TSKS: variants seen among roughly 807,000 people sequenced by gnomAD.
The protein encoded by TSKS is testis specific serine kinase substrate.
A neutral mutation model predicts 68.0 loss-of-function variants in TSKS; 27 were observed. The ratio of observed to expected loss-of-function variants is 0.40; its 90% CI spans 0.29 to 0.55. The LOEUF (loss-of-function observed/expected upper bound fraction) is 0.55. Ranked by LOEUF, TSKS falls within the 20% of genes least tolerant of loss-of-function variation. The probability of loss-of-function intolerance (pLI) is 0.53; values close to 1 mark genes in which losing one functional copy is unlikely to be tolerated. For missense variants in TSKS, 806 were observed against 776.0 expected, an observed-to-expected ratio of 1.04 and a Z score of -0.46; for synonymous variants, 331 against 340.4, an observed-to-expected ratio of 0.97 and a Z score of 0.30.
intron 7 of TSKS, among the ~76,000 whole-genome samples, chr19:49,744,686 G>A (rs1600188426): frequency 6.6e-6 from 1 of 151,988 alleles, no homozygotes; most frequent in South Asian, 2.1e-4. Context: ...GGGCTCAAGC[G>A]ATCACTCCTG....
At chr19:49,740,415 C>T (rs1015954738) in intron 9 of TSKS, 2 of 547,112 alleles carry the variant, frequency 3.7e-6, no homozygotes, top group Non-Finnish European at 6.5e-6. Context: ...CCATGATGCA[C>T]TGACCTATGT....
chr19:49,759,362 G>A (rs1287834330), intron 2 of TSKS, among the ~76,000 whole-genome samples: 1 of 151,528 alleles, frequency 6.6e-6, no homozygotes, highest in Non-Finnish European at 1.5e-5. Flanking sequence ...CCAGCTACTC[G>A]GGAGGCTGAG....
At position 49,740,076 on chromosome 19, in the gene TSKS, T is replaced by A. The variant is rs1409149422; in HGVS notation, c.1605A>T (p.Thr535=). Residue 535 remains threonine, a synonymous_variant, in exon 10 of 11, where the codon ACA becomes ACT. Transcript: ENST00000246801. ...TTCCTCACTCTGGCTTCATCTTGTC[T>A]GTCAGCAGTAGGTTCTTGGCCCGCA... is the stretch of plus-strand genomic sequence containing the variant. ...EALRAKNLLL[T]DKMKPEEKMA... is the part of the protein sequence containing the mutation. 6.2e-7 allele frequency: 1 copy of A among 1,614,188 alleles called. No individual in the cohort carries two copies. The highest frequency in any genetic ancestry group is 1.7e-5 in the Admixed American group (1 of 60,008).
rs1474864954 is a variant in TSKS, at chr19:49,748,458, G to C, written c.411C>G (p.Asn137Lys). The stretch of plus-strand genomic sequence containing the variant: ...AGTCTTTGGCGCGGACCAATCCACT[G>C]TTGACCCCACTCTGGGGAAGAATGG... Reference protein sequence around the residue: ...ADITEILSGVNSGLVRAKDSI... With the variant: ...ADITEILSGVKSGLVRAKDSI... Residue 137 changes from asparagine (N) to lysine (K), a missense_variant, in exon 3 of 11, where the codon AAC (asparagine) becomes AAG (lysine). Transcript: ENST00000246801. The C allele has an allele frequency of 6.2e-7, 1 of 1,614,160 alleles. No homozygotes were observed. The highest frequency in any genetic ancestry group is 1.7e-5 in the Admixed American group (1 of 60,010).
chr19:49,760,970 C>G (rs577049010), intron 2 of TSKS, among the ~76,000 whole-genome samples: 2 of 152,118 alleles, frequency 1.3e-5, no homozygotes, highest in South Asian at 4.2e-4. Context: ...TGCCTGTAGT[C>G]CCAGCTACTC....
intron 6 of TSKS, 84 bp from the exon 7 acceptor site, chr19:49,745,480 T>C: frequency 1.6e-5 from 19 of 1,173,242 alleles, no homozygotes; most frequent in East Asian, 2.7e-5. Context: ...GGGACAGGAC[T>C]CACCTATCTC....
At position 49,747,556 on chromosome 19, in the gene TSKS, C is replaced by A. The variant is rs61318874; in HGVS notation, c.580-84G>T. ...CTTAGCCTGTCTGTTTCCATCCAGG[C>A]TCCAGGCCTCCTAGCCCCCCAGTAC... On this transcript the variant is annotated intron_variant, in intron 4 of 10. Transcript: ENST00000246801. 2,016 of 1,361,556 alleles carry A rather than the reference C, an allele frequency of 1.5e-3. 25 individuals are homozygous for A. In the African/African-American group the frequency reaches 0.025, roughly 17 times the overall value. 84.3% of individuals were successfully genotyped at this position (1,361,556 alleles called of 1,614,324 possible).
At chr19:49,745,439 A>G (rs780376271) in intron 6 of TSKS, 43 bp from the exon 7 acceptor site, 1 of 1,433,460 alleles carries the variant, frequency 7.0e-7, no homozygotes, top group South Asian at 1.4e-5. Context: ...CTAGGCTTCA[A>G]CAGGTCCCCA....
chr19:49,760,620 C>T (rs907143188), intron 2 of TSKS, among the ~76,000 whole-genome samples: 6 of 151,390 alleles, frequency 4.0e-5, no homozygotes, highest in Admixed American at 1.3e-4. Context: ...TAGGTCACTG[C>T]GCCTGGCCTA....
In TSKS at chr19:49,763,129, G is replaced by A. The variant is rs773071788; in HGVS notation, c.119C>T (p.Thr40Ile). ...QLVPEAPRRVTSRAKGIPKKK... is the reference protein window; with the variant it reads ...QLVPEAPRRVISRAKGIPKKK... ...CTTCGGGATCCCCTTGGCCCGGCTG[G>A]TCACCCTCCGGGGAGCCTCTGGGAC... The change falls in exon 1 of 11, where the codon ACC (threonine) becomes ATC (isoleucine). Residue 40 changes from threonine to isoleucine, a missense_variant. Transcript: ENST00000246801. The surrounding 1 kb of genome is among the most constrained non-coding windows in gnomAD (Gnocchi z 4.5). 3.7e-6 allele frequency: 6 copies of A among 1,612,234 alleles called. No individual in the cohort carries two copies. The highest frequency in any genetic ancestry group is 1.7e-5 in the Admixed American group (1 of 59,818).
chr19:49,747,489 G>C lies in TSKS; in HGVS notation c.580-17C>G, dbSNP rs763896417. 1 of 1,613,858 alleles carries C rather than the reference G, an allele frequency of 6.2e-7. No homozygotes were observed. Among genetic ancestry groups the C allele is most frequent in the Admixed American group, 1.7e-5 (1 of 60,012 alleles). On this transcript the variant is annotated splice_polypyrimidine_tract_variant and intron_variant, in intron 4 of 10. Coordinates refer to ENST00000246801, the MANE Select transcript of TSKS (RefSeq NM_021733.2). ...GCAGTTCTCCTGGGTCAGACACCAG[G>C]GCGAGGGCCCTGCCTTCCCATTCCA...
chr19:49,754,105 C>T lies in TSKS; in HGVS notation c.400-5636G>A, dbSNP rs532299094. Among the ~76,000 whole-genome samples, 363 of 151,210 alleles carry T rather than the reference C, an allele frequency of 2.4e-3. 3 individuals carry two copies. The highest frequency in any genetic ancestry group is 8.3e-3 in the African/African-American group (345 of 41,398). ...TTCACCATATTGGTCAGGCTGGTCT[C>T]GAACTCCTGACCTCAGGTGATCTGC... On this transcript the variant is annotated intron_variant, in intron 2 of 10. Coordinates refer to ENST00000246801, the MANE Select transcript of TSKS (RefSeq NM_021733.2).
chr19:49,752,396 A>C (rs1465389208), intron 2 of TSKS, among the ~76,000 whole-genome samples: 2 of 151,946 alleles, frequency 1.3e-5, no homozygotes, highest in South Asian at 2.1e-4. Context: ...AAAAAAAAAA[A>C]AAAAAAACTT....
intron 2 of TSKS, among the ~76,000 whole-genome samples, chr19:49,751,301 C>CAA (rs55750605): frequency 6.9e-3 from 238 of 34,466 alleles, no homozygotes; most frequent in Middle Eastern, 0.017. Context: ...GATTCCATCT[C>CAA]AAAAAAAAAA....
intron 2 of TSKS, among the ~76,000 whole-genome samples, chr19:49,753,121 C>G (rs2084364254): frequency 6.6e-6 from 1 of 152,204 alleles, no homozygotes; most frequent in Non-Finnish European, 1.5e-5. Flanking sequence ...TCAGAAAAGT[C>G]TGTTTTTTAA....
chr19:49,739,801 T>G lies in TSKS; in HGVS notation c.1754A>C (p.Gln585Pro). The G allele has an allele frequency of 2.0e-6, 3 of 1,535,922 alleles. No individual in the cohort carries two copies. The highest frequency in any genetic ancestry group is 1.1e-5 in the South Asian group (1 of 88,944). Residue 585 changes from glutamine to proline, a missense_variant, in exon 11 of 11, where the codon CAG becomes CCG. Transcript: ENST00000246801. ...TTATTGTTCAGGGGCTGAGCCCCCC[T>G]GTTTTGGGGGGGTTCCTGCACTGCT... ...GGSSAGTPPKQGGSAPEQ is the reference protein window; with the variant it reads ...GGSSAGTPPKPGGSAPEQ
chr19:49,746,958 C>T (rs950058551), intron 5 of TSKS, among the ~76,000 whole-genome samples, 160 bp from the exon 6 acceptor site: 1 of 152,196 alleles, frequency 6.6e-6, no homozygotes, highest in Non-Finnish European at 1.5e-5. Flanking sequence ...GGAGGGGAGG[C>T]ACCATTTGAG....
intron 8 of TSKS, 76 bp from the exon 9 acceptor site, chr19:49,742,096 G>T: frequency 6.4e-7 from 1 of 1,552,382 alleles, no homozygotes. Context: ...GCTCACCTGT[G>T]GAGCCTCCAT....
intron 2 of TSKS, among the ~76,000 whole-genome samples, chr19:49,755,043 G>A: frequency 6.6e-6 from 1 of 152,152 alleles, no homozygotes; most frequent in South Asian, 2.1e-4. Flanking sequence ...GTTGCAATGA[G>A]CTGAGATCAC....
Sources: allele counts gnomAD v4.1 joint callset (sites outside exome capture counted in the v4.1 genomes callset), GRCh38; gene constraint gnomAD v4.1.1; non-coding constraint Gnocchi (gnomAD v3.1); transcripts MANE v1.5; gene names NCBI Gene and HGNC (gene_info 2026-07-23, HGNC 2026-07-21).